POTEJ: variants seen among roughly 807,000 people sequenced by gnomAD.
POTEJ encodes POTE ankyrin domain family member J.
POTEJ carries 11 observed loss-of-function variants against 69.0 expected under a neutral mutation model. That is an observed-to-expected ratio of 0.16 (90% CI 0.10 to 0.26). The LOEUF (loss-of-function observed/expected upper bound fraction) is 0.26. Ranked by LOEUF, POTEJ falls within the 10% of genes least tolerant of loss-of-function variation. The probability of loss-of-function intolerance (pLI) is 1.00; values close to 1 mark genes in which losing one functional copy is unlikely to be tolerated. For synonymous variants in POTEJ, 117 were observed against 381.1 expected (o/e 0.31, Z 8.07); for missense variants, 327 against 1,045.5 (o/e 0.31, Z 9.48).
intron 6 of POTEJ, among the ~76,000 whole-genome samples, chr2:130,624,667 TG>T (rs1210584181): frequency 4.6e-5 from 7 of 151,888 alleles, no homozygotes; most frequent in Non-Finnish European, 7.4e-5. Flanking sequence ...TATGAGTGTG[TG>T]GCCTGGGAGT....
Position 130,636,392 on chromosome 2 carries a change from C to A in POTEJ, c.1299-2227C>A, listed in dbSNP as rs550209413. ...GTGATTTATCATCTCTAACTTCAAA[C>A]CTATTTGTATCTTGACATCAACGCT... On this transcript the variant is annotated intron_variant, in intron 9 of 14. Transcript: ENST00000409602. Among the ~76,000 whole-genome samples, 28 of 148,102 alleles carry A rather than the reference C, an allele frequency of 1.9e-4. 1 individual carries two copies. In the South Asian group the frequency reaches 5.7e-3, roughly 30 times the overall value.
Position 130,613,370 on chromosome 2 carries a change from A to ATGTG in POTEJ, c.410+1440_410+1443dup, listed in dbSNP as rs71212139. On this transcript the variant is annotated intron_variant, in intron 1 of 14. Transcript: ENST00000409602. ...TGTGTGTGTATATATATACATATAT[A>ATGTG]TGTGTGTGTGTGTGTATATATATAT... 3.1e-3 allele frequency among the ~76,000 whole-genome samples: 370 copies of ATGTG among 120,930 alleles called. 11 individuals are homozygous for ATGTG. The highest frequency in any genetic ancestry group is 5.9e-3 in the African/African-American group (182 of 30,690). 79.3% of individuals were successfully genotyped at this position (120,930 alleles called of 152,430 possible). A position where few individuals can be genotyped will look rare whatever the true frequency, so the allele number is the denominator to read the frequency against.
chr2:130,612,094 C>G (rs1341307663), intron 1 of POTEJ, among the ~76,000 whole-genome samples, 152 bp downstream of exon 1: 2 of 152,050 alleles, frequency 1.3e-5, no homozygotes, highest in Non-Finnish European at 2.9e-5. Context: ...GGGCACAGGC[C>G]CCTTTATGAA....
At position 130,613,370 on chromosome 2, in the gene POTEJ, A is replaced by G. The variant is rs867834357; in HGVS notation, c.410+1428A>G. On this transcript the variant is annotated intron_variant, in intron 1 of 14. Transcript: ENST00000409602. The stretch of plus-strand genomic sequence containing the variant: ...TGTGTGTGTATATATATACATATAT[A>G]TGTGTGTGTGTGTGTATATATATAT... 2.2e-4 allele frequency among the ~76,000 whole-genome samples: 27 copies of G among 120,958 alleles called. 1 individual carries two copies. Among genetic ancestry groups the G allele is most frequent in the African/African-American group, 3.6e-4 (11 of 30,660 alleles). 79.4% of individuals were successfully genotyped at this position (120,958 alleles called of 152,430 possible).
intron 9 of POTEJ, among the ~76,000 whole-genome samples, chr2:130,632,959 G>T (rs1182165059): frequency 1.4e-5 from 2 of 147,486 alleles, no homozygotes; most frequent in Non-Finnish European, 3.0e-5. Flanking sequence ...GTGTATCATG[G>T]AGATTTGGAC....
chr2:130,611,303 G>T (rs529292876), upstream of POTEJ, among the ~76,000 whole-genome samples: 8 of 142,734 alleles, frequency 5.6e-5, no homozygotes, highest in African/African-American at 2.3e-4. Flanking sequence ...TTTTCTTGGG[G>T]GGGGGGGGGT....
chr2:130,643,127 G>A (rs1311756165), intron 10 of POTEJ, among the ~76,000 whole-genome samples: 2 of 146,782 alleles, frequency 1.4e-5, no homozygotes, highest in African/African-American at 5.1e-5. Flanking sequence ...AGGTGGTCAA[G>A]ATGCAGTAGA....
rs559415455 is a variant in POTEJ at position 130,657,528 on chromosome 2, C to G, written c.2768C>G (p.Ala923Gly). 1 of 1,566,936 alleles carries G rather than the reference C, an allele frequency of 6.4e-7. No homozygotes were observed. Residue 923 changes from alanine (A) to glycine (G), a missense_variant, in exon 15 of 15, where the codon GCG (alanine) becomes GGG (glycine). Ala to Gly is a moderately conservative substitution (Grantham distance 60). Coordinates refer to ENST00000409602, the MANE Select transcript of POTEJ (RefSeq NM_001277083.2). Reference sequence around the variant, plus strand: ...AACGAGTGGTTCCGCTGCCCCGAGGCGCTCTTCCAGCCTTGCTTCCTGGGC... The same window carrying G: ...AACGAGTGGTTCCGCTGCCCCGAGGGGCTCTTCCAGCCTTGCTTCCTGGGC... Reference protein sequence around the residue: ...ISNEWFRCPEALFQPCFLGME... With the variant: ...ISNEWFRCPEGLFQPCFLGME...
chr2:130,636,599 C>G (rs544636862), intron 9 of POTEJ, among the ~76,000 whole-genome samples: 1 of 148,132 alleles, frequency 6.8e-6, no homozygotes, highest in South Asian at 2.1e-4. Context: ...CTCTAACATA[C>G]CGTATATTTT....
intron 14 of POTEJ, 66 bp from the exon 15 acceptor site, chr2:130,656,483 T>C: frequency 6.5e-7 from 1 of 1,547,610 alleles, no homozygotes; most frequent in Non-Finnish European, 8.7e-7. Context: ...TATTTTTGAA[T>C]TTCAAAAGAA....
intron 10 of POTEJ, among the ~76,000 whole-genome samples, chr2:130,641,800 GT>G (rs1686387532): frequency 1.3e-5 from 2 of 152,220 alleles, no homozygotes; most frequent in African/African-American, 4.8e-5. Context: ...CATCCTACTA[GT>G]TTGACTCTCA....
At chr2:130,649,943 A>G (rs1314881093) in intron 13 of POTEJ, among the ~76,000 whole-genome samples, 1 of 152,196 alleles carries the variant, frequency 6.6e-6, no homozygotes, top group Non-Finnish European at 1.5e-5. Flanking sequence ...ATTAAGGAAT[A>G]ACCACTTCCT....
At chr2:130,627,416 T>C (rs1244064023) in intron 6 of POTEJ, among the ~76,000 whole-genome samples, 1 of 140,338 alleles carries the variant, frequency 7.1e-6, no homozygotes, top group Non-Finnish European at 1.5e-5. Flanking sequence ...ATTGGAGTTG[T>C]TCCTTTTAGG....
intron 13 of POTEJ, among the ~76,000 whole-genome samples, chr2:130,649,691 C>T (rs1275441232): frequency 6.6e-6 from 1 of 151,816 alleles, no homozygotes; most frequent in African/African-American, 2.4e-5. Context: ...TGGCATGTTA[C>T]CTCTCCTGCT....
At chr2:130,625,507 A>C in intron 6 of POTEJ, among the ~76,000 whole-genome samples, 1 of 151,890 alleles carries the variant, frequency 6.6e-6, no homozygotes, top group Non-Finnish European at 1.5e-5. Flanking sequence ...GAGGAATGAA[A>C]GTTTTGGAAA....
chr2:130,646,684 C>T (rs1686589447), intron 13 of POTEJ, among the ~76,000 whole-genome samples: 3 of 140,928 alleles, frequency 2.1e-5, no homozygotes, highest in East Asian at 4.0e-4. Flanking sequence ...GTTTTTTGGT[C>T]GTCTCCCTCC....
At chr2:130,628,299 T>C (rs1573977791) in intron 6 of POTEJ, among the ~76,000 whole-genome samples, 3 of 135,654 alleles carry the variant, frequency 2.2e-5, no homozygotes, top group Non-Finnish European at 4.7e-5. Flanking sequence ...TAGGCAAATA[T>C]TTTCACTCTT....
At chr2:130,612,977 C>A (rs1334898361) in intron 1 of POTEJ, among the ~76,000 whole-genome samples, 5 of 135,356 alleles carry the variant, frequency 3.7e-5, no homozygotes, top group Non-Finnish European at 6.2e-5. Context: ...TGTTTACTAA[C>A]AGCTGAAAAG....
chr2:130,618,640 T>G (rs1181314367), intron 3 of POTEJ, among the ~76,000 whole-genome samples: 2 of 145,650 alleles, frequency 1.4e-5, no homozygotes, highest in African/African-American at 5.5e-5. Flanking sequence ...CTGGATACAC[T>G]CCTGCTTAAG....
Sources: allele counts gnomAD v4.1 joint callset (sites outside exome capture counted in the v4.1 genomes callset), GRCh38; gene constraint gnomAD v4.1.1; transcripts MANE v1.5; gene names NCBI Gene and HGNC (gene_info 2026-07-23, HGNC 2026-07-21).